The following RTN4 variants were observed in gnomAD, a reference collection of about 807,000 sequenced individuals.
The protein encoded by RTN4 is reticulon 4, also known as reticulon-4.
Under a neutral mutation model 90.4 loss-of-function variants are expected in RTN4, and 32 were observed. That is an observed-to-expected ratio of 0.35 (90% CI 0.27 to 0.48). RTN4 has a LOEUF of 0.48. Ranked by LOEUF, RTN4 falls within the 20% of genes least tolerant of loss-of-function variation. RTN4 has a pLI of 0.99. For synonymous variants in RTN4, 629 were observed against 552.5 expected (o/e 1.14, Z -1.94); for missense variants, 1,706 against 1,430.2 (o/e 1.19, Z -3.11).
chr2:54,984,726 G>A (rs547781428), intron 4 of RTN4, among the ~76,000 whole-genome samples: 14 of 152,168 alleles, frequency 9.2e-5, no homozygotes, highest in African/African-American at 2.4e-5. Context: ...ATGATTAAGG[G>A]GTACTAGGAA....
At chr2:55,099,660 G>A (rs1053148907) in intron 1 of RTN4, among the ~76,000 whole-genome samples, 3 of 152,184 alleles carry the variant, frequency 2.0e-5, no homozygotes, top group Non-Finnish European at 4.4e-5. Context: ...GTGGCTAAAA[G>A]TGCAGGTGCC....
rs373176090 is a variant in RTN4, at chr2:54,973,133, C to A, written c.*23G>T. The A allele has an allele frequency of 2.5e-6, 4 of 1,594,564 alleles. No individual in the cohort carries two copies. Among genetic ancestry groups the A allele is most frequent in the Middle Eastern group, 1.7e-4 (1 of 6,004 alleles). On this transcript the variant is annotated 3_prime_UTR_variant, in exon 9 of 9. Transcript: ENST00000337526. ...TGAATATCCCCTTTAAAGATGAACTCCTACTAATTATTTTGGGCGTTTTCA... is the reference window on the plus strand; with the variant it reads ...TGAATATCCCCTTTAAAGATGAACTACTACTAATTATTTTGGGCGTTTTCA...
At chr2:55,076,389 C>CTTTTTTT (rs58070912) in intron 2 of RTN4, among the ~76,000 whole-genome samples, 21 of 64,648 alleles carry the variant, frequency 3.2e-4, no homozygotes, top group Admixed American at 7.1e-4. Context: ...TTCTTTTGTT[C>CTTTTTTT]TTTTTTTTTT....
chr2:55,119,439 CTATT>C, the RTN4 span, among the ~76,000 whole-genome samples: 2 of 152,164 alleles, frequency 1.3e-5, no homozygotes, highest in Admixed American at 1.3e-4. Context: ...AGCCTTGAGT[CTATT>C]TAAGAACAGA....
chr2:55,132,933 C>T, the RTN4 span, among the ~76,000 whole-genome samples: 6 of 150,980 alleles, frequency 4.0e-5, no homozygotes, highest in East Asian at 1.9e-4. Flanking sequence ...AAAACATGGC[C>T]GGGTGTGGTG....
the RTN4 span, among the ~76,000 whole-genome samples, chr2:55,127,094 A>G: frequency 2.6e-5 from 4 of 152,224 alleles, no homozygotes; most frequent in Non-Finnish European, 4.4e-5. Context: ...AATATTATGT[A>G]TAACAAACAC....
chr2:55,120,443 G>A, the RTN4 span, among the ~76,000 whole-genome samples: 1 of 151,952 alleles, frequency 6.6e-6, no homozygotes, highest in East Asian at 2.0e-4. Context: ...GCTTTACAAC[G>A]GGCCCTTCCT....
At chr2:55,097,301 C>CAA (rs5831338) in intron 1 of RTN4, among the ~76,000 whole-genome samples, 5,773 of 108,834 alleles carry the variant, frequency 0.053, 407 homozygotes, top group African/African-American at 0.19. Flanking sequence ...AATTCTGTCT[C>CAA]AAAAAAAAAA....
intron 1 of RTN4, chr2:55,049,029 G>A: frequency 1.2e-6 from 1 of 859,118 alleles, no homozygotes; most frequent in Non-Finnish European, 1.4e-6. Context: ...TAGCTGGTGG[G>A]GAGCAGTCCA....
intron 3 of RTN4, among the ~76,000 whole-genome samples, chr2:55,008,256 G>C (rs1293377979): frequency 6.6e-6 from 1 of 151,668 alleles, no homozygotes; most frequent in Non-Finnish European, 1.5e-5. Flanking sequence ...GGAGAATGCA[G>C]TAGAAAAATG....
At chr2:55,049,580 C>T in intron 1 of RTN4, 165 bp downstream of exon 1, 2 of 1,174,482 alleles carry the variant, frequency 1.7e-6, no homozygotes, top group Non-Finnish European at 2.5e-6. Context: ...GGCCGCCCCA[C>T]CCTTCTCCCC....
chr2:55,001,576 C>G (rs996306590), intron 3 of RTN4, among the ~76,000 whole-genome samples: 1 of 152,176 alleles, frequency 6.6e-6, no homozygotes, highest in South Asian at 2.1e-4. Flanking sequence ...CACTCATTAC[C>G]TAAATGTCTT....
At chr2:55,049,705 G>C in intron 1 of RTN4, 40 bp downstream of exon 1, 1 of 1,418,702 alleles carries the variant, frequency 7.0e-7, no homozygotes, top group Non-Finnish European at 9.3e-7. Context: ...AGAGGGAGGG[G>C]CGCGAGGGGC....
intron 1 of RTN4, among the ~76,000 whole-genome samples, chr2:55,093,863 T>G (rs1049946341): frequency 6.6e-6 from 1 of 152,200 alleles, no homozygotes; most frequent in East Asian, 1.9e-4. Flanking sequence ...GTTTGCTTTT[T>G]CTAAGGGAAA....
intron 3 of RTN4, among the ~76,000 whole-genome samples, chr2:55,016,771 C>T (rs1681076685): frequency 6.6e-6 from 1 of 152,124 alleles, no homozygotes; most frequent in Admixed American, 6.5e-5. Context: ...AACTGTTGCT[C>T]TAACTTCACT....
intron 3 of RTN4, among the ~76,000 whole-genome samples, chr2:54,988,746 C>A (rs1320957039): frequency 6.6e-6 from 1 of 152,146 alleles, no homozygotes; most frequent in African/African-American, 2.4e-5. Flanking sequence ...ATGTGTTACA[C>A]ATTTACATAA....
At chr2:55,132,038 G>A in the RTN4 span, among the ~76,000 whole-genome samples, 1 of 152,260 alleles carries the variant, frequency 6.6e-6, no homozygotes, top group East Asian at 1.9e-4. Flanking sequence ...GTATTTATGG[G>A]GGGAATGATG....
the RTN4 span, among the ~76,000 whole-genome samples, chr2:55,133,638 C>T: frequency 6.6e-6 from 1 of 152,034 alleles, no homozygotes; most frequent in East Asian, 1.9e-4. Flanking sequence ...AAACTGAGGC[C>T]CTGAGAAGAA....
chr2:55,087,307 G>A (rs1233856884), intron 1 of RTN4, among the ~76,000 whole-genome samples: 2 of 152,184 alleles, frequency 1.3e-5, no homozygotes, highest in East Asian at 3.8e-4. Flanking sequence ...TTCCTAAGTG[G>A]TTGTGCTAAT....
Sources: allele counts gnomAD v4.1 joint callset (sites outside exome capture counted in the v4.1 genomes callset), GRCh38; gene constraint gnomAD v4.1.1; transcripts MANE v1.5; gene names NCBI Gene and HGNC (gene_info 2026-07-23, HGNC 2026-07-21).